Variants in DENND1B observed in about 807,000 individuals in gnomAD.
The protein encoded by DENND1B is DENN domain-containing protein 1B.
A neutral mutation model predicts 90.1 loss-of-function variants in DENND1B; 59 were observed. The ratio of observed to expected loss-of-function variants is 0.65; its 90% confidence interval spans 0.53 to 0.81. DENND1B has a LOEUF of 0.81. Among genes scored for constraint, DENND1B ranks in the 40% least tolerant of loss-of-function variants. The pLI, the probability that DENND1B is intolerant of heterozygous loss-of-function variation, is 0.00. For synonymous variants in DENND1B, 337 were observed against 324.6 expected (o/e 1.04, Z -0.41); for missense variants, 862 against 912.6 (o/e 0.94, Z 0.71).
At chr1:197,625,206 T>C (rs1192313079) in intron 10 of DENND1B, among the ~76,000 whole-genome samples, 1 of 151,894 alleles carries the variant, frequency 6.6e-6, no homozygotes, top group Non-Finnish European at 1.5e-5. Context: ...CCAAGACACA[T>C]AATTGTCAGA....
At chr1:197,693,285 C>T (rs1658091931) in intron 3 of DENND1B, among the ~76,000 whole-genome samples, 1 of 151,496 alleles carries the variant, frequency 6.6e-6, no homozygotes, top group Admixed American at 6.6e-5. Flanking sequence ...CATAAGTAAA[C>T]ATGTGACTGT....
chr1:197,656,307 A>C (rs1355484253), intron 6 of DENND1B, among the ~76,000 whole-genome samples: 1 of 152,120 alleles, frequency 6.6e-6, no homozygotes, highest in Non-Finnish European at 1.5e-5. Flanking sequence ...AAGTAAAACA[A>C]AGAAAAGACA....
chr1:197,512,894 A>G lies in DENND1B; in HGVS notation c.1575T>C (p.Asp525=). The G allele has an allele frequency of 6.2e-7, 1 of 1,610,720 alleles. No individual in the cohort carries two copies. Among genetic ancestry groups the G allele is most frequent in the Non-Finnish European group, 8.5e-7 (1 of 1,178,010 alleles). Residue 525 remains aspartate (D), a synonymous_variant, in exon 21 of 23, where the codon GAT becomes GAC. Transcript: ENST00000620048. ...LDGALYDDED[D]DDIERASKLS... ...ACTTGCTTGCTCTTTCAATGTCATC[A>G]TCATCTTCATCATCATATAGAGCAC...
At chr1:197,521,176 A>C (rs923132365) in intron 20 of DENND1B, among the ~76,000 whole-genome samples, 1 of 151,990 alleles carries the variant, frequency 6.6e-6, no homozygotes, top group African/African-American at 2.4e-5. Context: ...ATGTCTGAGG[A>C]GATCTCAAGA....
upstream of DENND1B, among the ~76,000 whole-genome samples, chr1:197,776,670 A>G (rs1048217911): frequency 2.0e-5 from 3 of 152,258 alleles, no homozygotes; most frequent in African/African-American, 7.2e-5. Flanking sequence ...AAAAAACTCA[A>G]GAGTCAGAGA....
chr1:197,718,005 G>C (rs1377602980), intron 2 of DENND1B, among the ~76,000 whole-genome samples: 1 of 151,822 alleles, frequency 6.6e-6, no homozygotes, highest in East Asian at 1.9e-4. Flanking sequence ...CTTGATTACG[G>C]GTTTCAGTGC....
intron 15 of DENND1B, among the ~76,000 whole-genome samples, chr1:197,556,023 A>T (rs1671688401): frequency 6.6e-6 from 1 of 152,156 alleles, no homozygotes; most frequent in Non-Finnish European, 1.5e-5. Context: ...CTTTGCAGCC[A>T]TAAAAAAGAA....
chr1:197,749,420 A>G (rs1272366692), intron 2 of DENND1B, among the ~76,000 whole-genome samples: 2 of 152,120 alleles, frequency 1.3e-5, no homozygotes, highest in East Asian at 3.8e-4. Context: ...AAAAAAAGAT[A>G]TCACATAGAT....
chr1:197,607,705 A>G (rs1457679268), intron 12 of DENND1B, among the ~76,000 whole-genome samples: 1 of 150,758 alleles, frequency 6.6e-6, no homozygotes, highest in East Asian at 1.9e-4. Context: ...GCAATATGGA[A>G]TTTATTGTTA....
chr1:197,752,715 C>T (rs987329842), intron 2 of DENND1B, among the ~76,000 whole-genome samples: 63 of 151,726 alleles, frequency 4.2e-4, no homozygotes, highest in African/African-American at 1.5e-3. Context: ...CATATGTATA[C>T]ATGTGCCATA....
chr1:197,735,426 T>C, intron 2 of DENND1B: 1 of 1,435,290 alleles, frequency 7.0e-7, no homozygotes, highest in Non-Finnish European at 9.1e-7. Context: ...TAAAAAAAAA[T>C]ACTCTGAAGC....
At chr1:197,713,640 C>T (rs1571458018) in intron 3 of DENND1B, among the ~76,000 whole-genome samples, 1 of 64,622 alleles carries the variant, frequency 1.5e-5, no homozygotes, top group African/African-American at 5.8e-5. Context: ...TGCTAGATGA[C>T]ACGTTAGTGG....
chr1:197,660,768 C>T (rs893234544), intron 5 of DENND1B, among the ~76,000 whole-genome samples: 1 of 152,224 alleles, frequency 6.6e-6, no homozygotes. Context: ...TATGTCCAGA[C>T]AAACTATCAA....
At chr1:197,659,321 T>C (rs1654170888) in intron 5 of DENND1B, among the ~76,000 whole-genome samples, 1 of 151,822 alleles carries the variant, frequency 6.6e-6, no homozygotes, top group African/African-American at 2.4e-5. Context: ...ATATAATGTC[T>C]GATTTGTTAG....
intron 14 of DENND1B, among the ~76,000 whole-genome samples, chr1:197,590,404 C>T (rs899242712): frequency 6.6e-6 from 1 of 152,098 alleles, no homozygotes; most frequent in Non-Finnish European, 1.5e-5. Flanking sequence ...TTTTATCTCA[C>T]ATTTTTCAAT....
rs144717816 is a variant in DENND1B at position 197,655,232 on chromosome 1, T to C, written c.367-2917A>G. ...GAACAAAAAAGTCACAATAGCTGGATATTAGTTTCTACAATTATAAAATGG... is the reference window on the plus strand; with the variant it reads ...GAACAAAAAAGTCACAATAGCTGGACATTAGTTTCTACAATTATAAAATGG... On this transcript the variant is annotated intron_variant, in intron 6 of 22. Coordinates refer to ENST00000620048, the MANE Select transcript of DENND1B (RefSeq NM_001195215.2). 1.1e-4 allele frequency among the ~76,000 whole-genome samples: 17 copies of C among 152,326 alleles called. No individual in the cohort carries two copies. The East Asian group carries it at 3.3e-3, about 29-fold the overall frequency.
intron 15 of DENND1B, among the ~76,000 whole-genome samples, chr1:197,557,752 C>T (rs904552532): frequency 7.2e-5 from 11 of 151,838 alleles, no homozygotes; most frequent in African/African-American, 2.4e-4. Flanking sequence ...TTTTCAAACA[C>T]CTTTTTCTAT....
chr1:197,669,156 T>C (rs752162460), intron 5 of DENND1B, among the ~76,000 whole-genome samples: 2 of 152,154 alleles, frequency 1.3e-5, no homozygotes, highest in South Asian at 2.1e-4. Context: ...TATTTGCATT[T>C]TAGATTTTAT....
At chr1:197,558,943 T>C (rs1302456103) in intron 15 of DENND1B, among the ~76,000 whole-genome samples, 3 of 151,994 alleles carry the variant, frequency 2.0e-5, no homozygotes, top group East Asian at 1.9e-4. Context: ...AAATATGTAA[T>C]ATAAAGAATA....
Sources: gnomAD v4.1 joint callset for allele counts (sites outside exome capture counted in the v4.1 genomes callset) on GRCh38, gnomAD v4.1.1 for gene constraint, MANE v1.5 for transcripts, NCBI Gene and HGNC (gene_info 2026-07-23, HGNC 2026-07-21) for gene names.